PCDHAC2: variants seen among roughly 807,000 people sequenced by gnomAD.
PCDHAC2 encodes protocadherin alpha subfamily C, 2, also known as protocadherin alpha-C2.
In PCDHAC2, 24 loss-of-function variants were observed where a neutral mutation model predicts 63.3. The observed-to-expected ratio is 0.38, with a 90% CI of 0.27 to 0.53. The LOEUF is 0.53. Among genes scored for constraint, PCDHAC2 ranks in the 20% least tolerant of loss-of-function variants. The pLI, the probability that PCDHAC2 is intolerant of heterozygous loss-of-function variation, is 0.81. For synonymous variants in PCDHAC2, 569 were observed against 529.4 expected, an observed-to-expected ratio of 1.07 and a Z score of -1.03; for missense variants, 1,181 against 1,275.2, an observed-to-expected ratio of 0.93 and a Z score of 1.12.
At chr5:140,975,938 T>C (rs2096690603) in intron 1 of PCDHAC2, among the ~76,000 whole-genome samples, 1 of 152,160 alleles carries the variant, frequency 6.6e-6, no homozygotes, top group Admixed American at 6.5e-5. Context: ...TTTGAAGCAA[T>C]AGGACATATT....
At chr5:140,993,226 T>G (rs1554253487) in intron 3 of PCDHAC2, among the ~76,000 whole-genome samples, 1 of 152,204 alleles carries the variant, frequency 6.6e-6, no homozygotes, top group Non-Finnish European at 1.5e-5. Context: ...TTTGGTATGT[T>G]CTCTCTGAAT....
At chr5:141,007,991 A>G (rs1276879326) in intron 3 of PCDHAC2, among the ~76,000 whole-genome samples, 1 of 152,234 alleles carries the variant, frequency 6.6e-6, no homozygotes, top group Non-Finnish European at 1.5e-5. Context: ...TATGAAATGT[A>G]CATGTTAATA....
chr5:140,969,385 C>T, intron 1 of PCDHAC2, 54 bp downstream of exon 1: 1 of 1,598,120 alleles, frequency 6.3e-7, no homozygotes, highest in Non-Finnish European at 8.5e-7. Flanking sequence ...TTACACATCC[C>T]CCAATATCCT....
At chr5:140,993,538 A>T (rs1175611433) in intron 3 of PCDHAC2, among the ~76,000 whole-genome samples, 1 of 151,668 alleles carries the variant, frequency 6.6e-6, no homozygotes, top group Non-Finnish European at 1.5e-5. Context: ...AGAGAGAGAG[A>T]TAGAGAAGTG....
intron 3 of PCDHAC2, among the ~76,000 whole-genome samples, chr5:140,999,657 C>A (rs1257419150): frequency 6.6e-6 from 1 of 152,156 alleles, no homozygotes; most frequent in Non-Finnish European, 1.5e-5. Flanking sequence ...CTGAGCCCTG[C>A]TGGGTTGCGG....
chr5:140,977,543 A>G (rs905389015), intron 1 of PCDHAC2, among the ~76,000 whole-genome samples: 3 of 152,224 alleles, frequency 2.0e-5, no homozygotes. Context: ...AGCAGCTTGC[A>G]TATGCATATC....
intron 3 of PCDHAC2, among the ~76,000 whole-genome samples, chr5:140,984,074 A>T (rs1554245949): frequency 6.6e-6 from 1 of 152,268 alleles, no homozygotes; most frequent in African/African-American, 2.4e-5. Context: ...AGTGCCAACG[A>T]TGGAGTGAAG....
intron 3 of PCDHAC2, among the ~76,000 whole-genome samples, chr5:140,984,683 T>A (rs1481664684): frequency 6.6e-6 from 1 of 152,200 alleles, no homozygotes; most frequent in East Asian, 1.9e-4. Flanking sequence ...GGACTCAATA[T>A]ATGTTCTGCA....
At position 140,993,525 on chromosome 5, in the gene PCDHAC2, G is replaced by C. The variant is rs573802745; in HGVS notation, c.2713+10962G>C. On this transcript the variant is annotated intron_variant, in intron 3 of 3. Coordinates refer to ENST00000289269, the MANE Select transcript of PCDHAC2 (RefSeq NM_018899.6). Reference sequence around the variant, plus strand: ...ACACACACACGGGGAGAGAGAGACAGAGAGAGAGAGAGATAGAGAAGTGAA... The same window carrying C: ...ACACACACACGGGGAGAGAGAGACACAGAGAGAGAGAGATAGAGAAGTGAA... Among the ~76,000 whole-genome samples the C allele has an allele frequency of 4.8e-5, 7 of 147,308 alleles. No homozygotes were observed. The East Asian group carries it at 1.2e-3, about 24-fold the overall frequency.
chr5:140,999,814 G>A (rs143341016), intron 3 of PCDHAC2, among the ~76,000 whole-genome samples: 1 of 152,286 alleles, frequency 6.6e-6, no homozygotes, highest in African/African-American at 2.4e-5. Context: ...CAAAGCAAGA[G>A]CTGTGGCTTT....
chr5:141,005,821 C>T (rs557161446), intron 3 of PCDHAC2, among the ~76,000 whole-genome samples: 1 of 150,884 alleles, frequency 6.6e-6, no homozygotes, highest in African/African-American at 2.4e-5. Context: ...GGTATGGTGG[C>T]CTGTAGTCCC....
intron 3 of PCDHAC2, 32 bp from the exon 4 acceptor site, chr5:141,009,595 C>T (rs781807814): frequency 6.2e-7 from 1 of 1,604,124 alleles, no homozygotes; most frequent in Admixed American, 1.7e-5. Context: ...TGTGTTGACC[C>T]TGTTAATGAT....
intron 2 of PCDHAC2, among the ~76,000 whole-genome samples, chr5:140,981,928 T>A (rs141616160): frequency 6.6e-6 from 1 of 152,202 alleles, no homozygotes; most frequent in African/African-American, 2.4e-5. Context: ...GTTTCTCTAG[T>A]CTCAGGAAAT....
intron 3 of PCDHAC2, among the ~76,000 whole-genome samples, chr5:140,995,316 A>G (rs2097676169): frequency 1.3e-5 from 2 of 152,222 alleles, no homozygotes; most frequent in South Asian, 4.1e-4. Context: ...TTCTAAGTGA[A>G]CTAACAGGTG....
At chr5:140,989,555 T>G (rs923190578) in intron 3 of PCDHAC2, among the ~76,000 whole-genome samples, 1 of 152,204 alleles carries the variant, frequency 6.6e-6, no homozygotes, top group African/African-American at 2.4e-5. Flanking sequence ...CCTTTACGTT[T>G]TGTGGCTCCG....
In PCDHAC2 at chr5:140,967,252, G is replaced by A. The variant is rs199714982; in HGVS notation, c.486G>A (p.Ala162=). 6.2e-7 allele frequency: 1 copy of A among 1,613,504 alleles called. No homozygotes were observed. The highest frequency in any genetic ancestry group is 8.5e-7 in the Non-Finnish European group (1 of 1,179,862). ...NYQLQVSESV[A]PGARFHIESA... ...AGCTTCAGGTAAGCGAATCGGTGGC[G>A]CCTGGAGCGCGCTTTCACATAGAGA... Residue 162 remains alanine (A), a synonymous_variant, in exon 1 of 4, where the codon GCG becomes GCA. Transcript: ENST00000289269.
At position 140,969,226 on chromosome 5, in the gene PCDHAC2, G is replaced by A. The variant is rs145631723; in HGVS notation, c.2460G>A (p.Ser820=). 3.9e-4 allele frequency: 622 copies of A among 1,614,150 alleles called. 3 individuals are homozygous for A. The African/African-American group carries it at 5.9e-3, about 15-fold the overall frequency. Residue 820 remains serine (S), a synonymous_variant, in exon 1 of 4, where the codon TCG becomes TCA. Transcript: ENST00000289269. ...NTGAQTGPGP[S]GAQAAVTDSR... is the part of the protein sequence containing the mutation. Reference sequence around the variant, plus strand: ...GGGCCCAGACAGGACCAGGGCCTTCGGGAGCCCAAGCAGCAGTGACTGACA... The same window carrying A: ...GGGCCCAGACAGGACCAGGGCCTTCAGGAGCCCAAGCAGCAGTGACTGACA...
At position 140,966,542 on chromosome 5, in the gene PCDHAC2, G is replaced by A. The variant is rs926112867; in HGVS notation, c.-225G>A. 17 of 464,420 alleles carry A rather than the reference G, an allele frequency of 3.7e-5. No individual in the cohort carries two copies. The highest frequency in any genetic ancestry group is 1.8e-4 in the African/African-American group (9 of 49,170). The allele number at this position is 464,420 out of a possible 1,614,324, so 28.8% of individuals were successfully genotyped here. A position where few individuals can be genotyped will look rare whatever the true frequency, so the allele number is the denominator to read the frequency against. Reference sequence around the variant, plus strand: ...AAGCCGAGCCGGGTTGAGCGACTCGGAGGCGAGCGGAGGAGCTGGAATATG... The same window carrying A: ...AAGCCGAGCCGGGTTGAGCGACTCGAAGGCGAGCGGAGGAGCTGGAATATG... On this transcript the variant is annotated 5_prime_UTR_variant, in exon 1 of 4. Coordinates refer to ENST00000289269, the MANE Select transcript of PCDHAC2 (RefSeq NM_018899.6).
Position 141,012,063 on chromosome 5 carries a change from T to C in PCDHAC2, c.*2126T>C, listed in dbSNP as rs948658172. ...TGGGGTAAAACTTGTTACCAACACATGTGAACCATTGCTACATTGTAGGTT... is the reference window on the plus strand; with the variant it reads ...TGGGGTAAAACTTGTTACCAACACACGTGAACCATTGCTACATTGTAGGTT... On this transcript the variant is annotated 3_prime_UTR_variant, in exon 4 of 4. Transcript: ENST00000289269. The C allele has an allele frequency of 1.3e-5, 2 of 153,778 alleles. No individual in the cohort carries two copies. The highest frequency in any genetic ancestry group is 3.8e-4 in the East Asian group (2 of 5,196). The allele number at this position is 153,778 out of a possible 1,614,324, so 9.5% of individuals were successfully genotyped here. A position where few individuals can be genotyped will look rare whatever the true frequency, so the allele number is the denominator to read the frequency against.
Sources: allele counts gnomAD v4.1 joint callset (sites outside exome capture counted in the v4.1 genomes callset), GRCh38; gene constraint gnomAD v4.1.1; transcripts MANE v1.5; gene names NCBI Gene and HGNC (gene_info 2026-07-23, HGNC 2026-07-21).